Variants in MYO9A observed in about 807,000 individuals in gnomAD.
MYO9A encodes the protein myosin IXA, also known as unconventional myosin-IXa.
In MYO9A, 103 loss-of-function variants were observed where a neutral mutation model predicts 293.3. That is an observed-to-expected ratio of 0.35 (90% confidence interval 0.30 to 0.41). The LOEUF (loss-of-function observed/expected upper bound fraction) is 0.41. Among genes scored for constraint, MYO9A ranks in the 10% least tolerant of loss-of-function variants. The probability of loss-of-function intolerance (pLI) is 1.00; values close to 1 mark genes in which losing one functional copy is unlikely to be tolerated. For synonymous variants in MYO9A, 1,001 were observed against 1,035.7 expected (o/e 0.97, Z 0.64); for missense variants, 2,685 against 3,033.0 (o/e 0.89, Z 2.69).
At chr15:71,856,917 G>A (rs1596040189) in intron 34 of MYO9A, among the ~76,000 whole-genome samples, 1 of 152,268 alleles carries the variant, frequency 6.6e-6, no homozygotes, top group East Asian at 1.9e-4. Flanking sequence ...TCAGAGGGTT[G>A]TTGTAGAGAT....
In MYO9A at chr15:72,057,070, G is replaced by A. The variant is rs186678361; in HGVS notation, c.-71-10436C>T. On this transcript the variant is annotated intron_variant, in intron 1 of 41. Transcript: ENST00000356056. ...TGCAGTGAGCCGAGATTGCACCACC[G>A]TACTCCAGCCTGGGTGACAAGAGCA... Among the ~76,000 whole-genome samples the A allele has an allele frequency of 9.2e-5, 14 of 151,872 alleles. 1 individual carries two copies. Among genetic ancestry groups the A allele is most frequent in the African/African-American group, 3.1e-4 (13 of 41,382 alleles).
At chr15:71,839,205 C>T (rs1419314464) in intron 39 of MYO9A, among the ~76,000 whole-genome samples, 1 of 152,122 alleles carries the variant, frequency 6.6e-6, no homozygotes, top group Non-Finnish European at 1.5e-5. Flanking sequence ...GATAACTTTG[C>T]TGATTTCCCC....
rs556008029 is a variant in MYO9A at position 72,054,634 on chromosome 15, C to G, written c.-71-8000G>C. On this transcript the variant is annotated intron_variant, in intron 1 of 41. Transcript: ENST00000356056. ...TGAAGTGAGTAAAGTGAGTAGAGATCGTGCCACTGCACTCCAGCCTGGAGA... is the reference window on the plus strand; with the variant it reads ...TGAAGTGAGTAAAGTGAGTAGAGATGGTGCCACTGCACTCCAGCCTGGAGA... Among the ~76,000 whole-genome samples the G allele has an allele frequency of 3.6e-3, 470 of 129,414 alleles. 7 individuals carry two copies. Among genetic ancestry groups the G allele is most frequent in the African/African-American group, 0.013 (444 of 33,518 alleles). The allele number at this position is 129,414 out of a possible 152,430, so 84.9% of individuals were successfully genotyped here. A position where few individuals can be genotyped will look rare whatever the true frequency, so the allele number is the denominator to read the frequency against.
At chr15:71,884,531 A>G (rs957980175) in intron 27 of MYO9A, among the ~76,000 whole-genome samples, 2 of 152,192 alleles carry the variant, frequency 1.3e-5, no homozygotes, top group African/African-American at 4.8e-5. Context: ...GGAGACTTAT[A>G]TATTAGGTAA....
chr15:72,006,396 T>C (rs1407247619), intron 8 of MYO9A, among the ~76,000 whole-genome samples: 1 of 152,094 alleles, frequency 6.6e-6, no homozygotes, highest in Non-Finnish European at 1.5e-5. Flanking sequence ...CCGCCAGACA[T>C]AAATAAATCT....
At chr15:71,930,496 C>G (rs942964949) in intron 18 of MYO9A, among the ~76,000 whole-genome samples, 4 of 151,980 alleles carry the variant, frequency 2.6e-5, no homozygotes, top group African/African-American at 9.7e-5. Context: ...TTTATTTTGT[C>G]TGTTATAAGG....
chr15:71,826,718 C>A lies in MYO9A; in HGVS notation c.7509G>T (p.Lys2503Asn). 1 of 1,614,074 alleles carries A rather than the reference C, an allele frequency of 6.2e-7. No individual in the cohort carries two copies. Among genetic ancestry groups the A allele is most frequent in the African/African-American group, 1.3e-5 (1 of 75,016 alleles). Reference sequence around the variant, plus strand: ...TTTTCTGAGGTGAGTTTTTCACATTCTTTAATTTTTGTTTGCCCTTTTCCG... The same window carrying A: ...TTTTCTGAGGTGAGTTTTTCACATTATTTAATTTTTGTTTGCCCTTTTCCG... Reference protein sequence around the residue: ...FNPEKGKQKLKNVKNSPQKTK... With the variant: ...FNPEKGKQKLNNVKNSPQKTK... Residue 2503 changes from lysine to asparagine, a missense_variant, in exon 42 of 42, where the codon AAG becomes AAT. Around this residue, in one of 10 missense-constraint regions of MYO9A, gnomAD observed 350 missense variants for 328.9 expected, o/e 1.06. Transcript: ENST00000356056.
At position 71,899,940 on chromosome 15, in the gene MYO9A, C is replaced by A. The variant is rs200031286; in HGVS notation, c.3217G>T (p.Val1073Phe). The A allele has an allele frequency of 1.9e-6, 3 of 1,614,124 alleles. No individual in the cohort carries two copies. The highest frequency in any genetic ancestry group is 1.7e-6 in the Non-Finnish European group (2 of 1,180,020). The change falls in exon 24 of 42, where the codon GTT (valine) becomes TTT (phenylalanine). Residue 1073 changes from valine to phenylalanine, a missense_variant. Around this residue, in one of 10 missense-constraint regions of MYO9A, gnomAD observed 1,434 missense variants for 1,497.7 expected, o/e 0.96. Coordinates refer to ENST00000356056, the MANE Select transcript of MYO9A (RefSeq NM_006901.4). ...AGAAGAGCAGCTGCACTAGCCATAA[C>A]AAAAGCATCCTTCTGCACAGCTGCA... ...RDAAVQKDAFVMASAAALLQA... is the reference protein window; with the variant it reads ...RDAAVQKDAFFMASAAALLQA...
intron 25 of MYO9A, among the ~76,000 whole-genome samples, chr15:71,894,585 C>A (rs7173626): frequency 0.54 from 82,512 of 151,946 alleles, 27,483 homozygotes; most frequent in Non-Finnish European, 0.73. Context: ...CTCAAAAAAA[C>A]CAAAAAACAA....
chr15:71,887,127 T>C (rs916288548), intron 27 of MYO9A, among the ~76,000 whole-genome samples: 5 of 152,156 alleles, frequency 3.3e-5, no homozygotes, highest in African/African-American at 1.2e-4. Context: ...TCTAAAATGC[T>C]TACCTCAGAA....
Position 71,854,553 on chromosome 15 carries a change from GA to G in MYO9A, c.6169del (p.Ser2057HisfsTer12). The G allele has an allele frequency of 6.2e-7, 1 of 1,603,314 alleles. No homozygotes were observed. The highest frequency in any genetic ancestry group is 8.5e-7 in the Non-Finnish European group (1 of 1,176,304). On this transcript the variant is annotated frameshift_variant, in exon 35 of 42. Coordinates refer to ENST00000356056, the MANE Select transcript of MYO9A (RefSeq NM_006901.4). LOFTEE classifies it high-confidence loss of function. Reference sequence around the variant, plus strand: ...CAGTTCAACCCCAAATTGTCGAGATGACAGCTCTGGATCATACTAAATGAAA... The same window carrying G: ...CAGTTCAACCCCAAATTGTCGAGATGCAGCTCTGGATCATACTAAATGAAA... ...KCSKKYDPEL[S>X]SRQFGVELSR...
chr15:72,043,511 A>G (rs2078288705), intron 2 of MYO9A, among the ~76,000 whole-genome samples: 1 of 152,236 alleles, frequency 6.6e-6, no homozygotes, highest in Admixed American at 6.5e-5. Flanking sequence ...AGCAACAAAA[A>G]GGAATGTATT....
intron 1 of MYO9A, among the ~76,000 whole-genome samples, chr15:72,084,715 C>T (rs1377842737): frequency 1.3e-5 from 2 of 152,178 alleles, no homozygotes; most frequent in East Asian, 1.9e-4. Context: ...TTCCCCTTTG[C>T]TATGAAGCTT....
In MYO9A at chr15:71,916,249, T is replaced by C. The variant is rs16956391; in HGVS notation, c.2685+121A>G. 4,640 of 1,227,052 alleles carry C rather than the reference T, an allele frequency of 3.8e-3. 130 individuals are homozygous for C. In the Admixed American group the frequency reaches 0.067, roughly 18 times the overall value. The allele number at this position is 1,227,052 out of a possible 1,614,324, so 76.0% of individuals were successfully genotyped here. ...CTTTTTTCCAAAATGATCAGTAATA[T>C]ATGGCTTTTTAGTCACATAAATTAA... On this transcript the variant is annotated intron_variant, in intron 19 of 41. Transcript: ENST00000356056.
intron 1 of MYO9A, among the ~76,000 whole-genome samples, chr15:72,096,621 A>G (rs1201356689): frequency 6.6e-6 from 1 of 152,224 alleles, no homozygotes; most frequent in African/African-American, 2.4e-5. Context: ...TCAAGGAGTA[A>G]TTTTAACTTT....
chr15:72,087,102 G>C (rs1299225275), intron 1 of MYO9A, among the ~76,000 whole-genome samples: 1 of 152,194 alleles, frequency 6.6e-6, no homozygotes, highest in Admixed American at 6.5e-5. Context: ...TGCCATTCAA[G>C]TGTGGTCAGG....
intron 9 of MYO9A, among the ~76,000 whole-genome samples, chr15:71,995,732 G>C (rs2148534995): frequency 6.6e-6 from 1 of 152,136 alleles, no homozygotes; most frequent in East Asian, 1.9e-4. Flanking sequence ...AAAGAAAATA[G>C]TAATAATTAA....
chr15:72,103,611 A>C (rs182006210), intron 1 of MYO9A, among the ~76,000 whole-genome samples: 2 of 148,614 alleles, frequency 1.3e-5, no homozygotes, highest in Non-Finnish European at 3.0e-5. Flanking sequence ...GAAGCAGAAG[A>C]AGCAACAGAA....
chr15:72,034,746 A>C (rs970211231), intron 2 of MYO9A, among the ~76,000 whole-genome samples: 1 of 152,242 alleles, frequency 6.6e-6, no homozygotes, highest in Non-Finnish European at 1.5e-5. Flanking sequence ...ATTTTGAAAA[A>C]ACTTACAAAA....
Sources: allele counts gnomAD v4.1 joint callset (sites outside exome capture counted in the v4.1 genomes callset), GRCh38; gene constraint gnomAD v4.1.1; regional missense constraint gnomAD v4.1.1; transcripts MANE v1.5; gene names NCBI Gene and HGNC (gene_info 2026-07-23, HGNC 2026-07-21).